HMOX2: variants seen among roughly 807,000 people sequenced by gnomAD.
The protein encoded by HMOX2 is heme oxygenase (decycling) 2.
In HMOX2, 30 loss-of-function variants were observed where a neutral mutation model predicts 33.7. The observed-to-expected ratio is 0.89, with a 90% CI of 0.67 to 1.21. The LOEUF (loss-of-function observed/expected upper bound fraction) is 1.21, where lower values mean the gene tolerates loss of function less well. Among genes scored for constraint, HMOX2 ranks in the 50% most tolerant of loss-of-function variants. HMOX2 has a pLI of 0.00. For missense variants in HMOX2, 403 were observed against 399.1 expected, an observed-to-expected ratio of 1.01 and a Z score of -0.08; for synonymous variants, 155 against 155.0, an observed-to-expected ratio of 1.00 and a Z score of 0.00.
At position 4,509,424 on chromosome 16, in the gene HMOX2, C is replaced by G; in HGVS notation, c.709C>G (p.Leu237Val). 4 of 1,613,888 alleles carry G rather than the reference C, an allele frequency of 2.5e-6. No homozygotes were observed. The highest frequency in any genetic ancestry group is 3.4e-6 in the Non-Finnish European group (4 of 1,179,978). ...FEYNMQIFNE[L>V]DQAGSTLARE... ...TCTGCTCCTGCAGATATTCAATGAA[C>G]TGGACCAGGCCGGCTCCACACTGGC... The change falls in exon 5 of 6, where the codon CTG becomes GTG. Residue 237 changes from leucine to valine, a missense_variant. Transcript: ENST00000570646.
At chr16:4,487,241 C>T (rs1263005512) in intron 1 of HMOX2, among the ~76,000 whole-genome samples, 1 of 151,622 alleles carries the variant, frequency 6.6e-6, no homozygotes, top group Non-Finnish European at 1.5e-5. Context: ...TTGAGCAACA[C>T]AGCAAGACCC....
chr16:4,484,641 A>G (rs2058121141), intron 1 of HMOX2, among the ~76,000 whole-genome samples: 1 of 151,258 alleles, frequency 6.6e-6, no homozygotes, highest in Admixed American at 6.6e-5. Flanking sequence ...TTGTATTTTT[A>G]GTAGAGGTGA....
At chr16:4,484,175 C>T (rs1444299319) in intron 1 of HMOX2, among the ~76,000 whole-genome samples, 1 of 151,782 alleles carries the variant, frequency 6.6e-6, no homozygotes, top group African/African-American at 2.4e-5. Context: ...GGGGTTTCAC[C>T]GTGTTAGCCA....
At chr16:4,501,942 A>T (rs1443723415) in intron 1 of HMOX2, among the ~76,000 whole-genome samples, 1 of 152,122 alleles carries the variant, frequency 6.6e-6, no homozygotes, top group Non-Finnish European at 1.5e-5. Flanking sequence ...TACAGATGGT[A>T]GTTGGTACTT....
chr16:4,474,739 T>C (rs1202606242), upstream of HMOX2: 1 of 152,444 alleles, frequency 6.6e-6, no homozygotes, highest in Non-Finnish European at 1.5e-5. Flanking sequence ...TAAATCCAGT[T>C]AGACCAAAAT....
At chr16:4,475,124 G>T (rs900126709), upstream of HMOX2, among the ~76,000 whole-genome samples, 1 of 150,584 alleles carries the variant, frequency 6.6e-6, no homozygotes, top group South Asian at 2.1e-4. Flanking sequence ...GCTAATTTTT[G>T]TATTTTTTAG....
intron 1 of HMOX2, among the ~76,000 whole-genome samples, chr16:4,491,601 G>A (rs1157981701): frequency 1.3e-5 from 2 of 152,004 alleles, no homozygotes; most frequent in Non-Finnish European, 1.5e-5. Context: ...GCAGTGGGCC[G>A]AGATTATGCC....
At chr16:4,494,133 G>A (rs1252811232) in intron 1 of HMOX2, among the ~76,000 whole-genome samples, 9 of 151,988 alleles carry the variant, frequency 5.9e-5, no homozygotes, top group Admixed American at 2.0e-4. Flanking sequence ...TGGCTAACAC[G>A]GTGAAACCCC....
intron 1 of HMOX2, among the ~76,000 whole-genome samples, chr16:4,487,432 A>T (rs1242620711): frequency 1.3e-5 from 2 of 152,146 alleles, no homozygotes; most frequent in Non-Finnish European, 2.9e-5. Flanking sequence ...GCACTTTGGG[A>T]GGCCGAGGCG....
chr16:4,499,171 C>T (rs2058497502), intron 1 of HMOX2, among the ~76,000 whole-genome samples: 1 of 152,240 alleles, frequency 6.6e-6, no homozygotes, highest in Non-Finnish European at 1.5e-5. Context: ...TGCTCATTCT[C>T]ACCAGCGACT....
At chr16:4,487,193 G>T (rs1156627413) in intron 1 of HMOX2, among the ~76,000 whole-genome samples, 3 of 152,112 alleles carry the variant, frequency 2.0e-5, no homozygotes, top group African/African-American at 7.2e-5. Context: ...CAGGAGTTGA[G>T]GCTGCAGTGA....
chr16:4,496,305 G>A (rs1176299664), intron 1 of HMOX2: 1 of 152,028 alleles, frequency 6.6e-6, no homozygotes, highest in Non-Finnish European at 1.5e-5. Context: ...TCTATTTTTA[G>A]TAGAGTTGGG....
chr16:4,483,368 C>T (rs756538668), intron 1 of HMOX2, among the ~76,000 whole-genome samples: 2 of 151,736 alleles, frequency 1.3e-5, no homozygotes, highest in African/African-American at 2.4e-5. Flanking sequence ...GTTGGTTCCC[C>T]AGGCAATCAG....
At chr16:4,491,923 T>C (rs7191664) in intron 1 of HMOX2, among the ~76,000 whole-genome samples, 111,292 of 151,824 alleles carry the variant, frequency 0.73, 40,981 homozygotes, top group African/African-American at 0.77. Context: ...ACCTTGTGAT[T>C]CACCTGCCTT....
intron 1 of HMOX2, among the ~76,000 whole-genome samples, chr16:4,497,196 T>C (rs1030419788): frequency 1.3e-5 from 2 of 152,224 alleles, no homozygotes; most frequent in East Asian, 1.9e-4. Flanking sequence ...TTTTTGTGCC[T>C]GTATGAAAGG....
At chr16:4,504,924 C>T (rs2058653359) in intron 1 of HMOX2, among the ~76,000 whole-genome samples, 1 of 151,890 alleles carries the variant, frequency 6.6e-6, no homozygotes, top group Admixed American at 6.6e-5. Context: ...TCCAGTCTGC[C>T]TCGGCCTCCC....
At chr16:4,487,876 G>T (rs946049819) in intron 1 of HMOX2, among the ~76,000 whole-genome samples, 1 of 151,724 alleles carries the variant, frequency 6.6e-6, no homozygotes, top group Non-Finnish European at 1.5e-5. Context: ...GCTTGAACCC[G>T]GGAGGCGGAG....
chr16:4,491,646 T>A (rs2058308732), intron 1 of HMOX2, among the ~76,000 whole-genome samples: 1 of 152,050 alleles, frequency 6.6e-6, no homozygotes, highest in South Asian at 2.1e-4. Flanking sequence ...AGTGAGACTC[T>A]GTCTCAAAAA....
chr16:4,501,820 C>A (rs2058566061), intron 1 of HMOX2, among the ~76,000 whole-genome samples: 1 of 152,248 alleles, frequency 6.6e-6, no homozygotes, highest in Non-Finnish European at 1.5e-5. Context: ...TGTGGCCACT[C>A]CCTTGGACAG....
Sources: gnomAD v4.1 joint callset for allele counts (sites outside exome capture counted in the v4.1 genomes callset) on GRCh38, gnomAD v4.1.1 for gene constraint, MANE v1.5 for transcripts, NCBI Gene and HGNC (gene_info 2026-07-23, HGNC 2026-07-21) for gene names.